Variants in CABLES1 observed in about 807,000 individuals in gnomAD.
CABLES1 encodes the protein Cdk5 and Abl enzyme substrate 1.
In CABLES1, 36 loss-of-function variants were observed where a neutral mutation model predicts 57.8. That is an observed-to-expected ratio of 0.62 (90% CI 0.48 to 0.82). CABLES1 has a LOEUF of 0.82. CABLES1 is among the 40% of genes least tolerant of loss of function. The pLI, the probability that CABLES1 is intolerant of heterozygous loss-of-function variation, is 0.00. For missense variants in CABLES1, 767 were observed against 836.6 expected, an observed-to-expected ratio of 0.92 and a Z score of 1.03; for synonymous variants, 374 against 363.0, an observed-to-expected ratio of 1.03 and a Z score of -0.35.
chr18:23,251,991 CAGG>C (rs1184441526), intron 7 of CABLES1, among the ~76,000 whole-genome samples: 2 of 151,466 alleles, frequency 1.3e-5, no homozygotes, highest in Non-Finnish European at 1.5e-5. Context: ...GAAGCTGAGA[CAGG>C]AGAATCGCTT....
chr18:23,148,283 C>G (rs1041169936), intron 1 of CABLES1, among the ~76,000 whole-genome samples: 1 of 152,142 alleles, frequency 6.6e-6, no homozygotes, highest in African/African-American at 2.4e-5. Context: ...GCCACCACGT[C>G]TGGCCCGCTT....
intron 9 of CABLES1, among the ~76,000 whole-genome samples, chr18:23,254,435 C>T (rs1237552790): frequency 6.6e-6 from 1 of 152,138 alleles, no homozygotes; most frequent in Non-Finnish European, 1.5e-5. Flanking sequence ...ACATGAATGC[C>T]TGTTTTAGAA....
intron 1 of CABLES1, among the ~76,000 whole-genome samples, chr18:23,137,560 T>C (rs902033813): frequency 1.3e-5 from 2 of 152,210 alleles, no homozygotes; most frequent in African/African-American, 4.8e-5. Context: ...CAAAGTTGTT[T>C]TAACTTCTTG....
At chr18:23,139,853 A>G (rs1292025307) in intron 1 of CABLES1, among the ~76,000 whole-genome samples, 2 of 152,228 alleles carry the variant, frequency 1.3e-5, no homozygotes, top group African/African-American at 4.8e-5. Flanking sequence ...CAATAGGCCC[A>G]TAGATAATTT....
intron 1 of CABLES1, among the ~76,000 whole-genome samples, chr18:23,164,357 G>T (rs752885014): frequency 6.6e-6 from 1 of 152,110 alleles, no homozygotes; most frequent in Non-Finnish European, 1.5e-5. Flanking sequence ...CACAAGGCCC[G>T]CAGCCTGACC....
chr18:23,206,977 A>AT (rs1185509267), intron 3 of CABLES1, among the ~76,000 whole-genome samples: 1 of 151,790 alleles, frequency 6.6e-6, no homozygotes, highest in South Asian at 2.1e-4. Flanking sequence ...CACCCAGCTG[A>AT]TTTTTTTTCT....
chr18:23,136,572 C>A lies in CABLES1; in HGVS notation c.810C>A (p.Gly270=). The A allele has an allele frequency of 6.6e-7, 1 of 1,517,578 alleles. No individual in the cohort carries two copies. The highest frequency in any genetic ancestry group is 1.2e-5 in the South Asian group (1 of 82,004). 94.0% of individuals were successfully genotyped at this position (1,517,578 alleles called of 1,614,324 possible). Residue 270 remains glycine (G), a synonymous_variant, in exon 1 of 10, where the codon GGC becomes GGA. Transcript: ENST00000256925. The stretch of plus-strand genomic sequence containing the variant: ...CCCTGGAGCAGCCAGGCCAGGGCGG[C>A]AGCACCAGCGCCTTCGAGCAGCTGC... ...YCSLEQPGQG[G]STSAFEQLQR...
intron 3 of CABLES1, chr18:23,197,887 G>A (rs769717090): frequency 4.6e-5 from 7 of 152,184 alleles, no homozygotes; most frequent in Non-Finnish European, 1.0e-4. Context: ...CAGAAGAGAT[G>A]ATAAAGTTAC....
At chr18:23,160,917 C>A (rs928426319) in intron 1 of CABLES1, among the ~76,000 whole-genome samples, 2 of 152,154 alleles carry the variant, frequency 1.3e-5, no homozygotes, top group Non-Finnish European at 2.9e-5. Flanking sequence ...CCTGTAGTCC[C>A]AGCTACTCGA....
chr18:23,197,099 C>T (rs1021840814), intron 3 of CABLES1: 1 of 152,190 alleles, frequency 6.6e-6, no homozygotes, highest in Non-Finnish European at 1.5e-5. Context: ...TCTGACCTAA[C>T]CAAGAGTTTC....
intron 4 of CABLES1, chr18:23,219,345 A>T: frequency 2.2e-6 from 1 of 454,108 alleles, no homozygotes; most frequent in Non-Finnish European, 4.4e-6. Flanking sequence ...ATTAGAGCAG[A>T]GGAAGGAGTT....
intron 2 of CABLES1, among the ~76,000 whole-genome samples, chr18:23,189,898 C>T (rs1393772137): frequency 2.0e-5 from 3 of 152,240 alleles, no homozygotes; most frequent in African/African-American, 7.2e-5. Context: ...GCAGAGTGAG[C>T]ACAGACAGCC....
In CABLES1 at chr18:23,260,187, T is replaced by G. The variant is rs1370745651; in HGVS notation, c.*2820T>G. The G allele has an allele frequency of 6.6e-6, 1 of 152,200 alleles. No homozygotes were observed. The highest frequency in any genetic ancestry group is 1.5e-5 in the Non-Finnish European group (1 of 68,054). The allele number at this position is 152,200 out of a possible 1,614,324, so 9.4% of individuals were successfully genotyped here. On this transcript the variant is annotated 3_prime_UTR_variant, in exon 10 of 10. Coordinates refer to ENST00000256925, the MANE Select transcript of CABLES1 (RefSeq NM_001100619.3). ...CAATGACACCTTGAAGTCACCACTT[T>G]TCCTTTCTTGCCCGCTAATAAAACC...
intron 3 of CABLES1, among the ~76,000 whole-genome samples, chr18:23,196,329 G>A (rs1305832020): frequency 1.3e-5 from 2 of 152,172 alleles, no homozygotes; most frequent in African/African-American, 2.4e-5. Context: ...TGAGGCCACG[G>A]CGGGTCGTAT....
In CABLES1 at chr18:23,259,928, G is replaced by C. The variant is rs2048254803; in HGVS notation, c.*2561G>C. On this transcript the variant is annotated 3_prime_UTR_variant, in exon 10 of 10. Coordinates refer to ENST00000256925, the MANE Select transcript of CABLES1 (RefSeq NM_001100619.3). ...CCCACACTCAGAGATCTGTGGGGAA[G>C]CTCCGCCCAGCCACACTCCTTGGGA... The C allele has an allele frequency of 6.6e-6, 1 of 152,354 alleles. No homozygotes were observed. The highest frequency in any genetic ancestry group is 2.1e-4 in the South Asian group (1 of 4,812). The allele number at this position is 152,354 out of a possible 1,614,324, so 9.4% of individuals were successfully genotyped here.
chr18:23,157,904 C>G (rs943425176), intron 1 of CABLES1, among the ~76,000 whole-genome samples: 1 of 152,046 alleles, frequency 6.6e-6, no homozygotes, highest in Non-Finnish European at 1.5e-5. Flanking sequence ...AGGTTTGAAT[C>G]CTGGCTTTGC....
chr18:23,211,486 G>C (rs1287693688), intron 3 of CABLES1, among the ~76,000 whole-genome samples: 1 of 152,226 alleles, frequency 6.6e-6, no homozygotes, highest in South Asian at 2.1e-4. Context: ...AAGGTCAGGG[G>C]TGTGTGATCT....
chr18:23,227,284 G>A (rs935857549), intron 4 of CABLES1, among the ~76,000 whole-genome samples: 2 of 152,004 alleles, frequency 1.3e-5, no homozygotes, highest in East Asian at 3.9e-4. Context: ...TTTTTGTTGT[G>A]GAAAATTACA....
In CABLES1 at chr18:23,259,139, C is replaced by T. The variant is rs141254844; in HGVS notation, c.*1772C>T. 6.6e-6 allele frequency: 1 copy of T among 152,356 alleles called. No homozygotes were observed. Among genetic ancestry groups the T allele is most frequent in the African/African-American group, 2.4e-5 (1 of 41,580 alleles). The allele number at this position is 152,356 out of a possible 1,614,324, so 9.4% of individuals were successfully genotyped here. A position where few individuals can be genotyped will look rare whatever the true frequency, so the allele number is the denominator to read the frequency against. On this transcript the variant is annotated 3_prime_UTR_variant, in exon 10 of 10. Coordinates refer to ENST00000256925, the MANE Select transcript of CABLES1 (RefSeq NM_001100619.3). ...CAAGGTGCCTCCATCGCCTGAACTA[C>T]AAAATGCCCTTGGCCTTCCTCACAT... is the stretch of plus-strand genomic sequence containing the variant.
Sources: gnomAD v4.1 joint callset for allele counts (sites outside exome capture counted in the v4.1 genomes callset) on GRCh38, gnomAD v4.1.1 for gene constraint, MANE v1.5 for transcripts, NCBI Gene and HGNC (gene_info 2026-07-23, HGNC 2026-07-21) for gene names.